Variants in GMDS observed in about 807,000 individuals in gnomAD.
GMDS encodes the protein GDP-mannose 4,6 dehydratase.
In GMDS, 20 loss-of-function variants were observed where a neutral mutation model predicts 49.9. The ratio of observed to expected loss-of-function variants is 0.40; its 90% CI spans 0.28 to 0.58. The LOEUF is 0.58. Ranked by LOEUF, GMDS falls within the 20% of genes least tolerant of loss-of-function variation. The probability of loss-of-function intolerance (pLI) is 0.42; values close to 1 mark genes in which losing one functional copy is unlikely to be tolerated. For synonymous variants in GMDS, 177 were observed against 178.6 expected, an observed-to-expected ratio of 0.99 and a Z score of 0.07; for missense variants, 362 against 481.4, an observed-to-expected ratio of 0.75 and a Z score of 2.32.
intron 4 of GMDS, among the ~76,000 whole-genome samples, chr6:2,113,911 C>T (rs1330894912): frequency 6.6e-6 from 1 of 152,140 alleles, no homozygotes; most frequent in Non-Finnish European, 1.5e-5. Flanking sequence ...TTAAGAAAAG[C>T]AGCCAAAATA....
At chr6:1,999,935 T>A (rs1414346213) in intron 4 of GMDS, among the ~76,000 whole-genome samples, 3 of 74,802 alleles carry the variant, frequency 4.0e-5, no homozygotes, top group Non-Finnish European at 7.5e-5. Context: ...TATATATTAT[T>A]ATATATAATA....
chr6:1,874,266 T>C (rs2113808728), intron 7 of GMDS, among the ~76,000 whole-genome samples: 1 of 152,208 alleles, frequency 6.6e-6, no homozygotes, highest in East Asian at 1.9e-4. Flanking sequence ...AATGTGAAAA[T>C]CAACAGATAG....
At position 1,697,294 on chromosome 6, in the gene GMDS, C is replaced by T. The variant is rs117772308; in HGVS notation, c.987+29122G>A. Among the ~76,000 whole-genome samples the T allele has an allele frequency of 2.9e-3, 444 of 152,308 alleles. 2 individuals carry two copies. The East Asian group carries it at 0.047, about 16-fold the overall frequency. On this transcript the variant is annotated intron_variant, in intron 9 of 10. Transcript: ENST00000380815. ...ACAGCCTTTCCCACAGGGCTTCCTC[C>T]GAGCCAGATACCAGCAATGTAGACA...
intron 1 of GMDS, among the ~76,000 whole-genome samples, chr6:2,127,355 T>A (rs752408840): frequency 2.4e-4 from 36 of 152,164 alleles, no homozygotes; most frequent in Non-Finnish European, 4.7e-4. Context: ...AATCATTCTC[T>A]TGGAATAAAA....
chr6:1,894,913 C>T (rs895459506), intron 7 of GMDS, among the ~76,000 whole-genome samples: 2 of 152,162 alleles, frequency 1.3e-5, no homozygotes, highest in African/African-American at 4.8e-5. Flanking sequence ...GAAAATCTTA[C>T]CCTCAAAAAT....
intron 4 of GMDS, among the ~76,000 whole-genome samples, chr6:2,019,986 T>C (rs1768171570): frequency 6.6e-6 from 1 of 152,186 alleles, no homozygotes; most frequent in Non-Finnish European, 1.5e-5. Context: ...ATTCAATCTG[T>C]TAATATTTTG....
At chr6:2,107,604 C>T (rs1460952835) in intron 4 of GMDS, among the ~76,000 whole-genome samples, 1 of 152,168 alleles carries the variant, frequency 6.6e-6, no homozygotes, top group Non-Finnish European at 1.5e-5. Context: ...GCTGTGTCCA[C>T]ACAGGTGAAG....
chr6:1,903,052 G>A (rs1288538626), intron 7 of GMDS, among the ~76,000 whole-genome samples: 2 of 152,008 alleles, frequency 1.3e-5, no homozygotes, highest in East Asian at 3.9e-4. Context: ...ATTATAAATT[G>A]CACAGCAATC....
At chr6:1,879,597 T>A (rs79851658) in intron 7 of GMDS, among the ~76,000 whole-genome samples, 2 of 151,948 alleles carry the variant, frequency 1.3e-5, no homozygotes, top group East Asian at 1.9e-4. Context: ...TTTTTTTTTT[T>A]AAAGAATATT....
chr6:1,785,239 A>G (rs1186252792), intron 7 of GMDS, among the ~76,000 whole-genome samples: 1 of 152,224 alleles, frequency 6.6e-6, no homozygotes, highest in Non-Finnish European at 1.5e-5. Context: ...GAAAAACAAA[A>G]TAAAAACGTG....
At chr6:1,761,649 T>A (rs1365019458) in intron 7 of GMDS, among the ~76,000 whole-genome samples, 1 of 152,232 alleles carries the variant, frequency 6.6e-6, no homozygotes. Context: ...TTTAATGTTG[T>A]ATTTTTTTTG....
chr6:1,891,475 T>C (rs3778544), intron 7 of GMDS, among the ~76,000 whole-genome samples: 51,235 of 152,112 alleles, frequency 0.34, 8,659 homozygotes, highest in African/African-American at 0.4. Context: ...ATTATGCTAA[T>C]TTGGAAAACA....
intron 7 of GMDS, among the ~76,000 whole-genome samples, chr6:1,902,663 T>C (rs1760555274): frequency 6.6e-6 from 1 of 152,312 alleles, no homozygotes; most frequent in South Asian, 2.1e-4. Context: ...TAAGACGCTA[T>C]ATATGACGAC....
chr6:1,704,580 G>A (rs1256609640), intron 9 of GMDS, among the ~76,000 whole-genome samples: 2 of 152,162 alleles, frequency 1.3e-5, no homozygotes, highest in Admixed American at 6.5e-5. Context: ...AGGTGGATGC[G>A]GAGCGTGAAA....
intron 9 of GMDS, among the ~76,000 whole-genome samples, chr6:1,653,890 A>G (rs538972007): frequency 2.4e-4 from 36 of 152,352 alleles, no homozygotes; most frequent in Middle Eastern, 3.4e-3. Flanking sequence ...GGGTTTGGCA[A>G]TGATTTCTTA....
intron 1 of GMDS, among the ~76,000 whole-genome samples, chr6:2,234,461 T>A (rs1460471039): frequency 6.6e-6 from 1 of 151,782 alleles, no homozygotes; most frequent in Non-Finnish European, 1.5e-5. Flanking sequence ...TACAAAAAAT[T>A]AGCTGGGCAT....
intron 7 of GMDS, among the ~76,000 whole-genome samples, chr6:1,850,562 T>A (rs575287261): frequency 6.6e-6 from 1 of 152,210 alleles, no homozygotes; most frequent in South Asian, 2.1e-4. Context: ...TTCCTCAAAT[T>A]GGGTGGAAAC....
In GMDS at chr6:2,223,149, CTATA is replaced by C. The variant is rs531975981; in HGVS notation, c.102+22168_102+22171del. Among the ~76,000 whole-genome samples, 908 of 149,222 alleles carry C rather than the reference CTATA, an allele frequency of 6.1e-3. 7 individuals are homozygous for C. The highest frequency in any genetic ancestry group is 0.024 in the Middle Eastern group (7 of 290). ...AATCAATAGCGCGCTCTCTCTCTCT[CTATA>C]TATATATACACACATATATATATAT... is the stretch of plus-strand genomic sequence containing the variant. On this transcript the variant is annotated intron_variant, in intron 1 of 10. Transcript: ENST00000380815.
intron 4 of GMDS, among the ~76,000 whole-genome samples, chr6:2,064,358 G>C (rs1771395709): frequency 6.6e-6 from 1 of 152,072 alleles, no homozygotes; most frequent in East Asian, 1.9e-4. Context: ...AAGGCCAATA[G>C]AAGGTTTACA....
Sources: gnomAD v4.1 joint callset for allele counts (sites outside exome capture counted in the v4.1 genomes callset) on GRCh38, gnomAD v4.1.1 for gene constraint, MANE v1.5 for transcripts, NCBI Gene and HGNC (gene_info 2026-07-23, HGNC 2026-07-21) for gene names.